The following SLIT3 variants were observed in gnomAD, a reference collection of about 807,000 sequenced individuals.
SLIT3 encodes the protein slit homolog 3 protein.
In SLIT3, 68 loss-of-function variants were observed where a neutral mutation model predicts 184.0. The observed-to-expected ratio is 0.37, with a 90% confidence interval of 0.30 to 0.45. SLIT3 has a LOEUF of 0.45. SLIT3 is among the 20% of genes least tolerant of loss of function. The probability of loss-of-function intolerance (pLI) is 1.00; values close to 1 mark genes in which losing one functional copy is unlikely to be tolerated. For missense variants in SLIT3, 1,707 were observed against 2,026.0 expected (o/e 0.84, Z 3.02); for synonymous variants, 831 against 828.6 (o/e 1.00, Z -0.05).
At chr5:168,754,585 TAAC>T (rs1407587950) in intron 16 of SLIT3, among the ~76,000 whole-genome samples, 5 of 152,126 alleles carry the variant, frequency 3.3e-5, no homozygotes. Context: ...TGACTATAGT[TAAC>T]AACAATATGT....
chr5:168,861,279 C>A (rs1489369116), intron 5 of SLIT3, among the ~76,000 whole-genome samples: 1 of 151,874 alleles, frequency 6.6e-6, no homozygotes, highest in East Asian at 1.9e-4. Flanking sequence ...ACGACAGGCC[C>A]CAGTGTGTGA....
chr5:168,836,906 G>A (rs565853625), intron 6 of SLIT3, among the ~76,000 whole-genome samples: 4 of 152,142 alleles, frequency 2.6e-5, no homozygotes, highest in South Asian at 2.1e-4. Context: ...CAAGTTTCCC[G>A]CAGATTCCAG....
intron 28 of SLIT3, among the ~76,000 whole-genome samples, chr5:168,695,732 C>T (rs1762043972): frequency 6.6e-6 from 1 of 152,098 alleles, no homozygotes; most frequent in Non-Finnish European, 1.5e-5. Flanking sequence ...CTTGTGGGAG[C>T]CTTCCTGGAT....
chr5:168,874,689 G>A (rs188186973), intron 5 of SLIT3, among the ~76,000 whole-genome samples: 122 of 152,284 alleles, frequency 8.0e-4, no homozygotes, highest in Admixed American at 1.5e-3. Context: ...AGAAATTCTG[G>A]GATGGGGCAT....
intron 23 of SLIT3, chr5:168,719,948 C>CTAT (rs2113361179): frequency 6.6e-6 from 1 of 152,172 alleles, no homozygotes; most frequent in East Asian, 1.9e-4. Context: ...GGGTCTGGCT[C>CTAT]TATTGCCCAG....
intron 9 of SLIT3, among the ~76,000 whole-genome samples, chr5:168,802,501 T>A (rs1756802756): frequency 6.6e-6 from 1 of 152,216 alleles, no homozygotes; most frequent in South Asian, 2.1e-4. Flanking sequence ...CGGCAATCCA[T>A]CTGGTAGACC....
chr5:168,990,545 C>T (rs1200391442), intron 4 of SLIT3, among the ~76,000 whole-genome samples: 2 of 152,166 alleles, frequency 1.3e-5, no homozygotes, highest in East Asian at 3.9e-4. Context: ...CCTGCCCCAG[C>T]CCAGTGTCAA....
intron 4 of SLIT3, among the ~76,000 whole-genome samples, chr5:168,985,703 G>A (rs909589038): frequency 6.6e-6 from 1 of 152,150 alleles, no homozygotes; most frequent in African/African-American, 2.4e-5. Context: ...AGGAATGCAG[G>A]GACAAAGACT....
At chr5:168,843,331 ACAAAGGAATG>A (rs1758334866) in intron 6 of SLIT3, among the ~76,000 whole-genome samples, 1 of 152,210 alleles carries the variant, frequency 6.6e-6, no homozygotes, top group Non-Finnish European at 1.5e-5. Context: ...TCTCTCACAT[ACAAAGGAATG>A]CTTCAAAATA....
At position 168,714,208 on chromosome 5, in the gene SLIT3, TA is replaced by T. The variant is rs548803106; in HGVS notation, c.2484-1855del. On this transcript the variant is annotated intron_variant, in intron 23 of 35. Coordinates refer to ENST00000519560, the MANE Select transcript of SLIT3 (RefSeq NM_003062.4). ...ACTTTTATCAGCATCATTTAGCCTCTAGTTCATGAGGTTATTTATGAATCAT... is the reference window on the plus strand; with the variant it reads ...ACTTTTATCAGCATCATTTAGCCTCTGTTCATGAGGTTATTTATGAATCAT... 1.5e-3 allele frequency among the ~76,000 whole-genome samples: 232 copies of T among 152,356 alleles called. 1 individual carries two copies. Among genetic ancestry groups the T allele is most frequent in the Admixed American group, 4.1e-3 (62 of 15,302 alleles).
intron 4 of SLIT3, among the ~76,000 whole-genome samples, chr5:169,068,513 G>C (rs1055335109): frequency 1.3e-5 from 2 of 152,092 alleles, no homozygotes; most frequent in Non-Finnish European, 2.9e-5. Context: ...GTTTAAGATG[G>C]GCTGCATATT....
intron 4 of SLIT3, among the ~76,000 whole-genome samples, chr5:169,166,391 G>A (rs1186535726): frequency 1.3e-5 from 2 of 152,210 alleles, no homozygotes; most frequent in African/African-American, 4.8e-5. Context: ...ACAGTTCGCA[G>A]GGCAGTGGAG....
chr5:168,944,714 A>C (rs961969085), intron 4 of SLIT3, among the ~76,000 whole-genome samples: 4 of 152,164 alleles, frequency 2.6e-5, no homozygotes, highest in Non-Finnish European at 5.9e-5. Context: ...CTGTATAACA[A>C]AACTAAAAGG....
At chr5:169,140,079 C>T (rs1303757662) in intron 4 of SLIT3, among the ~76,000 whole-genome samples, 1 of 152,056 alleles carries the variant, frequency 6.6e-6, no homozygotes, top group East Asian at 1.9e-4. Context: ...CCAAGGCTGA[C>T]TGGGGAGCAA....
chr5:169,084,454 AT>A (rs56062027), intron 4 of SLIT3, among the ~76,000 whole-genome samples: 9,699 of 101,348 alleles, frequency 0.096, 241 homozygotes, highest in African/African-American at 0.14. Flanking sequence ...CCATGCCCAG[AT>A]TTTTTTTTTT....
At chr5:168,699,213 C>T (rs1465660756) in intron 27 of SLIT3, among the ~76,000 whole-genome samples, 1 of 152,246 alleles carries the variant, frequency 6.6e-6, no homozygotes, top group Non-Finnish European at 1.5e-5. Context: ...TTTGATGGAG[C>T]TGGCTTGGCA....
At chr5:169,260,711 T>C (rs1308373487) in intron 1 of SLIT3, among the ~76,000 whole-genome samples, 2 of 152,210 alleles carry the variant, frequency 1.3e-5, no homozygotes, top group Admixed American at 6.5e-5. Flanking sequence ...ACCTGTTTTC[T>C]ATTTCTTACT....
At chr5:168,982,132 C>T (rs561069207) in intron 4 of SLIT3, among the ~76,000 whole-genome samples, 14 of 152,206 alleles carry the variant, frequency 9.2e-5, no homozygotes, top group Middle Eastern at 3.4e-3. Flanking sequence ...AATTTTATGC[C>T]TGTGTAATCT....
intron 7 of SLIT3, 82 bp downstream of exon 7, chr5:168,823,177 AG>A (rs747408350): frequency 4.6e-4 from 472 of 1,030,900 alleles, no homozygotes; most frequent in Non-Finnish European, 5.1e-4. Flanking sequence ...ATAGCATGGT[AG>A]GTTTGACAAG....
Sources: allele counts gnomAD v4.1 joint callset (sites outside exome capture counted in the v4.1 genomes callset), GRCh38; gene constraint gnomAD v4.1.1; transcripts MANE v1.5; gene names NCBI Gene and HGNC (gene_info 2026-07-23, HGNC 2026-07-21).